The following SCN4B variants were observed in gnomAD, a reference collection of about 807,000 sequenced individuals.
SCN4B encodes the protein sodium channel regulatory subunit beta-4.
A neutral mutation model predicts 19.6 loss-of-function variants in SCN4B; 20 were observed. The observed-to-expected ratio is 1.02, with a 90% CI of 0.72 to 1.48. The LOEUF is 1.48. Among genes scored for constraint, SCN4B ranks in the 40% most tolerant of loss-of-function variants. SCN4B has a pLI of 0.00. For synonymous variants in SCN4B, 127 were observed against 122.8 expected (o/e 1.03, Z -0.22); for missense variants, 271 against 287.5 (o/e 0.94, Z 0.42).
chr11:118,137,315 A>G (rs1948029502), intron 4 of SCN4B, among the ~76,000 whole-genome samples, 195 bp from the exon 5 acceptor site: 1 of 152,108 alleles, frequency 6.6e-6, no homozygotes. Flanking sequence ...GGTAGGGATG[A>G]CCTTCTGCGT....
chr11:118,149,688 C>G (rs1172562012), intron 1 of SCN4B, among the ~76,000 whole-genome samples: 1 of 152,222 alleles, frequency 6.6e-6, no homozygotes, highest in African/African-American at 2.4e-5. Flanking sequence ...CCTGTCCCTC[C>G]TCTTACAGGC....
intron 2 of SCN4B, 128 bp from the exon 3 acceptor site, chr11:118,144,189 C>A: frequency 1.4e-6 from 1 of 695,624 alleles, no homozygotes; most frequent in Admixed American, 2.1e-5. Flanking sequence ...AGCCTGTAGT[C>A]ACGCCCTGCT....
At position 118,141,280 on chromosome 11, in the gene SCN4B, T is replaced by C. The variant is rs377730779; in HGVS notation, c.520A>G (p.Ile174Val). Residue 174 changes from isoleucine to valine, a missense_variant, in exon 4 of 5, where the codon ATC becomes GTC. Transcript: ENST00000324727. ...LIILAVVGGV[I>V]GLLILILLIK... is the part of the protein sequence containing the mutation. The stretch of plus-strand genomic sequence containing the variant: ...AGCAGGATGAGGATGAGGAGCCCGA[T>C]GACCCCGCCCACGACAGCCAGGATG... 2.4e-5 allele frequency: 38 copies of C among 1,612,738 alleles called. No homozygotes were observed. The African/African-American group carries it at 4.4e-4, about 19-fold the overall frequency.
Position 118,137,714 on chromosome 11 carries a change from C to T in SCN4B, c.594-594G>A, listed in dbSNP as rs575015522. ...AGTTCTCAATAAAGCTTAGCTGTCA[C>T]CTAGTTGTCTCAACATGGCAGGAAG... is the stretch of plus-strand genomic sequence containing the variant. On this transcript the variant is annotated intron_variant, in intron 4 of 4. Transcript: ENST00000324727. Among the ~76,000 whole-genome samples, 142 of 152,236 alleles carry T rather than the reference C, an allele frequency of 9.3e-4. 1 individual carries two copies. The highest frequency in any genetic ancestry group is 1.4e-3 in the Non-Finnish European group (92 of 68,004).
At chr11:118,137,794 G>T (rs758844805) in intron 4 of SCN4B, among the ~76,000 whole-genome samples, 1 of 152,214 alleles carries the variant, frequency 6.6e-6, no homozygotes, top group Non-Finnish European at 1.5e-5. Context: ...TGCCACGCCA[G>T]GGGGAGGGGT....
rs759355022 is a variant in SCN4B at position 118,144,053 on chromosome 11, C to A, written c.243G>T (p.Glu81Asp). The change falls in exon 3 of 5, where the codon GAG (glutamate) becomes GAT (aspartate). Residue 81 changes from glutamate to aspartate, a missense_variant. Transcript: ENST00000324727. ...NSSDAFKILI[E>D]GTVKNEKSDP... ...CAGACTTCTCATTCTTCACAGTCCC[C>A]TCTATGAGCTGGTGGAGGAAGGGAG... 1 of 1,610,584 alleles carries A rather than the reference C, an allele frequency of 6.2e-7. No homozygotes were observed. Among genetic ancestry groups the A allele is most frequent in the South Asian group, 1.1e-5 (1 of 91,030 alleles).
At chr11:118,150,630 C>T (rs1291360881) in intron 1 of SCN4B, among the ~76,000 whole-genome samples, 5 of 152,220 alleles carry the variant, frequency 3.3e-5, no homozygotes, top group Non-Finnish European at 5.9e-5. Context: ...CTAGACAAGT[C>T]ACCATCCCTC....
chr11:118,141,697 C>G (rs892492807), intron 3 of SCN4B: 1 of 317,836 alleles, frequency 3.1e-6, no homozygotes, highest in African/African-American at 2.1e-5. Context: ...CTTTCTAGAC[C>G]CCTTTGCTCA....
chr11:118,141,677 T>G (rs1948101131), intron 3 of SCN4B: 2 of 376,536 alleles, frequency 5.3e-6, no homozygotes, highest in Non-Finnish European at 9.9e-6. Context: ...AGGCGAAAAT[T>G]TCATTGCCTC....
chr11:118,134,012 C>A lies in SCN4B; in HGVS notation c.*3015G>T, dbSNP rs796130915. On this transcript the variant is annotated 3_prime_UTR_variant, in exon 5 of 5. Transcript: ENST00000324727. ...CTGCCATGCACCCACACTGCCTGCA[C>A]ACGCACACTCCACACAAGCACACCC... The A allele has an allele frequency of 5.9e-5, 27 of 454,750 alleles. No homozygotes were observed. The highest frequency in any genetic ancestry group is 4.6e-4 in the African/African-American group (23 of 50,128). 28.2% of individuals were successfully genotyped at this position (454,750 alleles called of 1,614,324 possible). A position where few individuals can be genotyped will look rare whatever the true frequency, so the allele number is the denominator to read the frequency against.
In SCN4B at chr11:118,135,711, A is replaced by G. The variant is rs1431386806; in HGVS notation, c.*1316T>C. 3 of 454,294 alleles carry G rather than the reference A, an allele frequency of 6.6e-6. No individual in the cohort carries two copies. Among genetic ancestry groups the G allele is most frequent in the Non-Finnish European group, 1.3e-5 (3 of 226,756 alleles). The allele number at this position is 454,294 out of a possible 1,614,324, so 28.1% of individuals were successfully genotyped here. On this transcript the variant is annotated 3_prime_UTR_variant, in exon 5 of 5. Coordinates refer to ENST00000324727, the MANE Select transcript of SCN4B (RefSeq NM_174934.4). ...GGGCTGGCGAACCCTCACCAGCACC[A>G]CACCAGACTCTGCTGTTATGTCAGG...
rs1431822176 is a variant in SCN4B at position 118,136,710 on chromosome 11, C to G, written c.*317G>C. On this transcript the variant is annotated 3_prime_UTR_variant, in exon 5 of 5. Transcript: ENST00000324727. ...GAGGAAAATCAAGGCCCTGCTTGTGCAGGGTAGGGAGACTGAAGGAGACCC... is the reference window on the plus strand; with the variant it reads ...GAGGAAAATCAAGGCCCTGCTTGTGGAGGGTAGGGAGACTGAAGGAGACCC... The G allele has an allele frequency of 2.0e-6, 1 of 509,610 alleles. No individual in the cohort carries two copies. Among genetic ancestry groups the G allele is most frequent in the Admixed American group, 2.3e-5 (1 of 44,150 alleles). 31.6% of individuals were successfully genotyped at this position (509,610 alleles called of 1,614,324 possible). A position where few individuals can be genotyped will look rare whatever the true frequency, so the allele number is the denominator to read the frequency against.
rs1454216638 is a variant in SCN4B at position 118,143,918 on chromosome 11, CGT to C, written c.376_377del (p.Thr126GlyfsTer14). On this transcript the variant is annotated frameshift_variant, in exon 3 of 5. Coordinates refer to ENST00000324727, the MANE Select transcript of SCN4B (RefSeq NM_174934.4). LOFTEE classifies it high-confidence loss of function. ...IVLRDLEFSD[T>X]GKYTCHVKNP... Reference sequence around the variant, plus strand: ...TCTTCACATGGCAGGTGTATTTGCCCGTGTCGCTGAACTCCAGGTCCCTCAGC... The same window carrying C: ...TCTTCACATGGCAGGTGTATTTGCCCGTCGCTGAACTCCAGGTCCCTCAGC... 1 of 1,613,960 alleles carries C rather than the reference CGT, an allele frequency of 6.2e-7. No individual in the cohort carries two copies. Among genetic ancestry groups the C allele is most frequent in the Admixed American group, 1.7e-5 (1 of 60,002 alleles).
chr11:118,136,207 C>T lies in SCN4B; in HGVS notation c.*820G>A. The T allele has an allele frequency of 2.2e-6, 1 of 453,656 alleles. No individual in the cohort carries two copies. The highest frequency in any genetic ancestry group is 4.4e-6 in the Non-Finnish European group (1 of 226,644). 28.1% of individuals were successfully genotyped at this position (453,656 alleles called of 1,614,324 possible). A position where few individuals can be genotyped will look rare whatever the true frequency, so the allele number is the denominator to read the frequency against. On this transcript the variant is annotated 3_prime_UTR_variant, in exon 5 of 5. Transcript: ENST00000324727. ...CAATGGGGCGGGCATCCCAGAGGCCCAGGACACTGGCTCACTACCTCTGTG... is the reference window on the plus strand; with the variant it reads ...CAATGGGGCGGGCATCCCAGAGGCCTAGGACACTGGCTCACTACCTCTGTG...
In SCN4B at chr11:118,143,918, C is replaced by T. The variant is rs376627393; in HGVS notation, c.378G>A (p.Thr126=). 83 of 1,613,960 alleles carry T rather than the reference C, an allele frequency of 5.1e-5. No homozygotes were observed. The highest frequency in any genetic ancestry group is 2.5e-4 in the Admixed American group (15 of 60,002). ...IVLRDLEFSD[T]GKYTCHVKNP... is the part of the protein sequence containing the mutation. ...TCTTCACATGGCAGGTGTATTTGCC[C>T]GTGTCGCTGAACTCCAGGTCCCTCA... is the stretch of plus-strand genomic sequence containing the variant. The change falls in exon 3 of 5, where the codon ACG becomes ACA. Residue 126 remains threonine (T), a synonymous_variant. Coordinates refer to ENST00000324727, the MANE Select transcript of SCN4B (RefSeq NM_174934.4).
rs1317544 is a variant in SCN4B at position 118,136,215 on chromosome 11, T to C, written c.*812A>G. On this transcript the variant is annotated 3_prime_UTR_variant, in exon 5 of 5. Transcript: ENST00000324727. ...CGGGCATCCCAGAGGCCCAGGACAC[T>C]GGCTCACTACCTCTGTGGCCCAATT... is the stretch of plus-strand genomic sequence containing the variant. 0.094 allele frequency: 42,440 copies of C among 453,632 alleles called. 5,315 individuals carry two copies. Among genetic ancestry groups the C allele is most frequent in the East Asian group, 0.41 (5,857 of 14,320 alleles). The allele number at this position is 453,632 out of a possible 1,614,324, so 28.1% of individuals were successfully genotyped here.
In SCN4B at chr11:118,145,246, G is replaced by A. The variant is rs574918258; in HGVS notation, c.62-17C>T. On this transcript the variant is annotated splice_polypyrimidine_tract_variant and intron_variant, in intron 1 of 4. Transcript: ENST00000324727. Reference sequence around the variant, plus strand: ...GGAAGAGGCCTGTGTAAGGAGCACCGCCTCCCTTAATAAAACCCCACCAGC... The same window carrying A: ...GGAAGAGGCCTGTGTAAGGAGCACCACCTCCCTTAATAAAACCCCACCAGC... 1 of 1,613,730 alleles carries A rather than the reference G, an allele frequency of 6.2e-7. No individual in the cohort carries two copies. The highest frequency in any genetic ancestry group is 1.1e-5 in the South Asian group (1 of 91,052).
rs552293398 is a variant in SCN4B at position 118,148,486 on chromosome 11, T to A, written c.62-3257A>T. ...GCAAGGCAGGCCCCACTCTGCCAGC[T>A]GACCTTGAGAAAGTCAGAGGTGCCA... is the stretch of plus-strand genomic sequence containing the variant. On this transcript the variant is annotated intron_variant, in intron 1 of 4. Coordinates refer to ENST00000324727, the MANE Select transcript of SCN4B (RefSeq NM_174934.4). This position sits in a 1 kb window ranked among gnomAD's most constrained non-coding sequence, Gnocchi z 4.0. Among the ~76,000 whole-genome samples, 47 of 152,354 alleles carry A rather than the reference T, an allele frequency of 3.1e-4. No homozygotes were observed. Among genetic ancestry groups the A allele is most frequent in the Non-Finnish European group, 5.9e-4 (40 of 68,034 alleles).
chr11:118,142,030 A>T (rs1391370895), intron 3 of SCN4B, among the ~76,000 whole-genome samples: 1 of 152,220 alleles, frequency 6.6e-6, no homozygotes, highest in African/African-American at 2.4e-5. Flanking sequence ...GAATCCTGAC[A>T]GCTCTAACTT....
Sources: allele counts gnomAD v4.1 joint callset (sites outside exome capture counted in the v4.1 genomes callset), GRCh38; gene constraint gnomAD v4.1.1; non-coding constraint Gnocchi (gnomAD v3.1); transcripts MANE v1.5; gene names NCBI Gene and HGNC (gene_info 2026-07-23, HGNC 2026-07-21).